The following FGF18 variants were observed in gnomAD, a reference collection of about 807,000 sequenced individuals.
The protein encoded by FGF18 is fibroblast growth factor 18.
Under a neutral mutation model 23.0 loss-of-function variants are expected in FGF18, and 5 were observed. The observed-to-expected ratio is 0.22, with a 90% CI of 0.11 to 0.46. The LOEUF is 0.46. FGF18 is among the 20% of genes least tolerant of loss of function. FGF18 has a pLI of 0.99. For synonymous variants in FGF18, 117 were observed against 118.9 expected, an observed-to-expected ratio of 0.98 and a Z score of 0.10; for missense variants, 180 against 291.6, an observed-to-expected ratio of 0.62 and a Z score of 2.79.
intron 3 of FGF18, among the ~76,000 whole-genome samples, chr5:171,437,670 C>T (rs566169039): frequency 2.0e-5 from 3 of 152,340 alleles, no homozygotes; most frequent in South Asian, 2.1e-4. Flanking sequence ...TCCCATCCCT[C>T]GTGGCCCCCT....
chr5:171,420,537 C>G, intron 2 of FGF18, 94 bp downstream of exon 2: 1 of 1,263,108 alleles, frequency 7.9e-7, no homozygotes, highest in Non-Finnish European at 1.1e-6. Flanking sequence ...CTGTGCCCCA[C>G]CCCTCCTGGG....
At chr5:171,426,827 T>C (rs999607109) in intron 2 of FGF18, among the ~76,000 whole-genome samples, 10 of 152,360 alleles carry the variant, frequency 6.6e-5, no homozygotes, top group African/African-American at 2.2e-4. Flanking sequence ...ATCCTGGCTG[T>C]GCTTCTTGGC....
chr5:171,430,794 C>CAAAAAAAAA (rs566577499), intron 2 of FGF18, among the ~76,000 whole-genome samples: 89 of 53,404 alleles, frequency 1.7e-3, no homozygotes, highest in Non-Finnish European at 2.3e-3. Flanking sequence ...GACTCCGTCT[C>CAAAAAAAAA]AAAAAAAAAA....
intron 2 of FGF18, among the ~76,000 whole-genome samples, chr5:171,433,612 G>A (rs2113341636): frequency 6.6e-6 from 1 of 152,324 alleles, no homozygotes; most frequent in South Asian, 2.1e-4. Context: ...CGGGCTGTGA[G>A]TGGTGACTGT....
chr5:171,451,136 G>GC lies in FGF18; in HGVS notation c.357+1888dup, dbSNP rs1181340006. ...CCACAGGAGCCGGCTCCGATTTCCT[G>GC]CCCCCTCGCCCTCTCTCCCGTCATT... On this transcript the variant is annotated intron_variant, in intron 4 of 4. Coordinates refer to ENST00000274625, the MANE Select transcript of FGF18 (RefSeq NM_003862.3). The surrounding 1 kb of genome is among the most constrained non-coding windows in gnomAD (Gnocchi z 4.5). 1.4e-5 allele frequency among the ~76,000 whole-genome samples: 2 copies of GC among 145,874 alleles called. No homozygotes were observed. Among genetic ancestry groups the GC allele is most frequent in the African/African-American group, 5.1e-5 (2 of 39,056 alleles).
At chr5:171,420,696 AGGAGATCCCGCAGAGCCGGCGGGCT>A (rs1168054723) in intron 2 of FGF18, among the ~76,000 whole-genome samples, 1 of 152,096 alleles carries the variant, frequency 6.6e-6, no homozygotes, top group Non-Finnish European at 1.5e-5. Context: ...CTCGGCTGGG[AGGAGATCCCGCAGAGCCGGCGGGCT>A]CAGCCGCAAC....
At chr5:171,437,900 G>A (rs1436598384) in intron 3 of FGF18, among the ~76,000 whole-genome samples, 1 of 152,132 alleles carries the variant, frequency 6.6e-6, no homozygotes, top group African/African-American at 2.4e-5. Flanking sequence ...GGAGGCGGGA[G>A]CTCGAGAGGG....
chr5:171,453,384 A>G (rs1346017731), intron 4 of FGF18, among the ~76,000 whole-genome samples: 1 of 152,218 alleles, frequency 6.6e-6, no homozygotes, highest in Non-Finnish European at 1.5e-5. Context: ...CCAGACATGC[A>G]TTGAGCCCGC....
intron 2 of FGF18, among the ~76,000 whole-genome samples, chr5:171,427,652 G>A (rs942688375): frequency 5.3e-5 from 8 of 152,200 alleles, no homozygotes; most frequent in South Asian, 2.1e-4. Flanking sequence ...AGTGTTGCTC[G>A]TCATCAACAA....
At chr5:171,426,584 G>A (rs1414301836) in intron 2 of FGF18, among the ~76,000 whole-genome samples, 1 of 152,226 alleles carries the variant, frequency 6.6e-6, no homozygotes, top group Non-Finnish European at 1.5e-5. Flanking sequence ...AGTGGCAAAA[G>A]GCCTCAGGCC....
chr5:171,450,406 G>A (rs1772480365), intron 4 of FGF18, among the ~76,000 whole-genome samples: 1 of 152,138 alleles, frequency 6.6e-6, no homozygotes. Flanking sequence ...CTGACTTTCT[G>A]CCCGGCACTG....
intron 2 of FGF18, among the ~76,000 whole-genome samples, chr5:171,423,825 G>A (rs971194205): frequency 1.4e-5 from 2 of 143,872 alleles, no homozygotes; most frequent in African/African-American, 2.6e-5. Flanking sequence ...CTGGAGTGCA[G>A]TGGCGTGATC....
In FGF18 at chr5:171,421,972, G is replaced by C. The variant is rs1052464710; in HGVS notation, c.69+1529G>C. Among the ~76,000 whole-genome samples the C allele has an allele frequency of 2.6e-5, 4 of 152,102 alleles. No homozygotes were observed. In the South Asian group the frequency reaches 8.3e-4, roughly 32 times the overall value. On this transcript the variant is annotated intron_variant, in intron 2 of 4. Transcript: ENST00000274625. Reference sequence around the variant, plus strand: ...CAGCTGAGTCCCCAAGCAGAGGGCAGGCCCTGGGGTCACTCCAGGGGGTCT... The same window carrying C: ...CAGCTGAGTCCCCAAGCAGAGGGCACGCCCTGGGGTCACTCCAGGGGGTCT...
chr5:171,451,320 G>A lies in FGF18; in HGVS notation c.357+2067G>A, dbSNP rs1772504630. On this transcript the variant is annotated intron_variant, in intron 4 of 4. Transcript: ENST00000274625. The surrounding 1 kb of genome is among the most constrained non-coding windows in gnomAD (Gnocchi z 4.5). Reference sequence around the variant, plus strand: ...TCTGGGCCCACCCGGGGGACTCGAGGACGCCACCAAATCCACCTGTCCAGG... The same window carrying A: ...TCTGGGCCCACCCGGGGGACTCGAGAACGCCACCAAATCCACCTGTCCAGG... Among the ~76,000 whole-genome samples the A allele has an allele frequency of 6.6e-6, 1 of 152,130 alleles. No individual in the cohort carries two copies. The highest frequency in any genetic ancestry group is 1.5e-5 in the Non-Finnish European group (1 of 68,018).
chr5:171,439,537 T>C (rs1772304515), intron 3 of FGF18, among the ~76,000 whole-genome samples: 1 of 152,214 alleles, frequency 6.6e-6, no homozygotes, highest in Non-Finnish European at 1.5e-5. Context: ...TGCCATGTCA[T>C]AGAACAGCAC....
intron 3 of FGF18, among the ~76,000 whole-genome samples, chr5:171,444,068 C>G (rs5005937): frequency 0.36 from 55,075 of 151,906 alleles, 10,193 homozygotes; most frequent in Middle Eastern, 0.43. Context: ...TTCCCATCTC[C>G]CGGTATCAAA....
rs763585537 is a variant in FGF18 at position 171,456,777 on chromosome 5, G to C, written c.596G>C (p.Arg199Pro). The C allele has an allele frequency of 6.2e-7, 1 of 1,613,740 alleles. No homozygotes were observed. The highest frequency in any genetic ancestry group is 1.3e-5 in the African/African-American group (1 of 74,898). The change falls in exon 5 of 5, where the codon CGT becomes CCT. Residue 199 changes from arginine to proline, a missense_variant. Physicochemically the swap from Arg to Pro is moderately radical, Grantham distance 103. Transcript: ENST00000274625. This position sits in a 1 kb window ranked among gnomAD's most constrained non-coding sequence, Gnocchi z 6.1. ...TACACGACGGTGACCAAGAGGTCCC[G>C]TCGGATCCGGCCCACACACCCTGCC... ...FKYTTVTKRSRRIRPTHPA is the reference protein window; with the variant it reads ...FKYTTVTKRSPRIRPTHPA
At chr5:171,432,301 TG>T (rs1283692686) in intron 2 of FGF18, among the ~76,000 whole-genome samples, 1 of 152,174 alleles carries the variant, frequency 6.6e-6, no homozygotes, top group Non-Finnish European at 1.5e-5. Context: ...GACCTTGAAA[TG>T]GGCTTTAACT....
At chr5:171,446,488 C>T (rs1304222574) in intron 3 of FGF18, among the ~76,000 whole-genome samples, 1 of 152,208 alleles carries the variant, frequency 6.6e-6, no homozygotes, top group Non-Finnish European at 1.5e-5. Flanking sequence ...GGGACAAAGA[C>T]ACCCAATCTC....
Sources: allele counts gnomAD v4.1 joint callset (sites outside exome capture counted in the v4.1 genomes callset), GRCh38; gene constraint gnomAD v4.1.1; non-coding constraint Gnocchi (gnomAD v3.1); transcripts MANE v1.5; gene names NCBI Gene and HGNC (gene_info 2026-07-23, HGNC 2026-07-21).